UBR3: variants seen among roughly 807,000 people sequenced by gnomAD.
UBR3 encodes the protein ubiquitin protein ligase E3 component n-recognin 3, also known as E3 ubiquitin-protein ligase UBR3.
UBR3 carries 85 observed loss-of-function variants against 243.2 expected under a neutral mutation model. The ratio of observed to expected loss-of-function variants is 0.35; its 90% CI spans 0.29 to 0.42. The LOEUF (loss-of-function observed/expected upper bound fraction) is 0.42. Among genes scored for constraint, UBR3 ranks in the 10% least tolerant of loss-of-function variants. The pLI is 1.00. For missense variants in UBR3, 1,686 were observed against 2,300.8 expected, an observed-to-expected ratio of 0.73 and a Z score of 5.47; for synonymous variants, 748 against 799.8, an observed-to-expected ratio of 0.94 and a Z score of 1.09.
chr2:169,890,563 A>ATATATATATATATATATATATATATGTG (rs1255881148), intron 5 of UBR3, among the ~76,000 whole-genome samples: 13 of 83,860 alleles, frequency 1.6e-4, no homozygotes, highest in East Asian at 3.0e-4. Flanking sequence ...ATATATATAT[A>ATATATATATATATATATATATATATGTG]TGTGTATATA....
At chr2:169,836,252 T>G (rs1160805574) in intron 1 of UBR3, among the ~76,000 whole-genome samples, 1 of 150,352 alleles carries the variant, frequency 6.7e-6, no homozygotes, top group African/African-American at 2.5e-5. Context: ...CCTAGCTAAT[T>G]TTCATATTTT....
chr2:170,075,731 C>A (rs781024846), intron 36 of UBR3, among the ~76,000 whole-genome samples: 16 of 152,102 alleles, frequency 1.1e-4, no homozygotes, highest in Non-Finnish European at 1.5e-4. Flanking sequence ...AATGTTAAAT[C>A]TGTATAGCGA....
At chr2:169,860,689 T>C (rs2083056183) in intron 1 of UBR3, among the ~76,000 whole-genome samples, 1 of 152,164 alleles carries the variant, frequency 6.6e-6, no homozygotes, top group South Asian at 2.1e-4. Context: ...TCTCTTGGAT[T>C]GTCTTAGGAA....
chr2:170,013,896 T>C lies in UBR3; in HGVS notation c.4368-1385T>C, dbSNP rs531022894. ...ATGTATTGATCTCATTTATATTCCC[T>C]TGATGAAGGAACACATGCTGGTCTC... On this transcript the variant is annotated intron_variant, in intron 29 of 38. Transcript: ENST00000272793. 8.3e-4 allele frequency: 390 copies of C among 470,418 alleles called. 6 individuals are homozygous for C. Among genetic ancestry groups the C allele is most frequent in the South Asian group, 5.9e-3 (380 of 64,408 alleles). The allele number at this position is 470,418 out of a possible 1,614,324, so 29.1% of individuals were successfully genotyped here.
chr2:169,863,352 G>A (rs957832155), intron 1 of UBR3, among the ~76,000 whole-genome samples: 1 of 152,110 alleles, frequency 6.6e-6, no homozygotes, highest in Non-Finnish European at 1.5e-5. Context: ...TAACCTTTTA[G>A]GCAATTTGTT....
At chr2:169,895,400 G>A in intron 7 of UBR3, 89 bp downstream of exon 7, 1 of 1,379,468 alleles carries the variant, frequency 7.2e-7, no homozygotes, top group Non-Finnish European at 9.7e-7. Context: ...TTTCTCAGGT[G>A]AAGGTTGATA....
intron 14 of UBR3, 146 bp downstream of exon 14, chr2:169,925,893 G>A (rs761206464): frequency 5.0e-6 from 4 of 807,840 alleles, no homozygotes; most frequent in Non-Finnish European, 7.1e-6. Flanking sequence ...CCCAGGAGAA[G>A]AGGCATACCA....
chr2:169,915,393 C>T (rs1277403331), intron 11 of UBR3, among the ~76,000 whole-genome samples: 2 of 152,218 alleles, frequency 1.3e-5, no homozygotes, highest in East Asian at 3.9e-4. Flanking sequence ...GCCACCGCAC[C>T]CAGCTGATTT....
At chr2:169,839,347 G>T (rs1286219047) in intron 1 of UBR3, among the ~76,000 whole-genome samples, 1 of 152,184 alleles carries the variant, frequency 6.6e-6, no homozygotes, top group Non-Finnish European at 1.5e-5. Context: ...GAGTAGATTG[G>T]TGGTTACCAG....
intron 4 of UBR3, among the ~76,000 whole-genome samples, chr2:169,878,136 G>A (rs1233963581): frequency 6.6e-6 from 1 of 152,154 alleles, no homozygotes; most frequent in Non-Finnish European, 1.5e-5. Context: ...CGAGGTGGGT[G>A]GATCACCTGA....
chr2:170,036,344 G>A (rs750230614), intron 31 of UBR3, among the ~76,000 whole-genome samples: 1 of 151,882 alleles, frequency 6.6e-6, no homozygotes, highest in Non-Finnish European at 1.5e-5. Context: ...GAAATCTTTG[G>A]TTCTCTTTTC....
chr2:169,922,478 A>C (rs953361336), intron 11 of UBR3, among the ~76,000 whole-genome samples: 15 of 151,860 alleles, frequency 9.9e-5, no homozygotes, highest in African/African-American at 3.1e-4. Context: ...AAAATTCACT[A>C]TCTTAATCAT....
chr2:169,937,312 G>A (rs1385322577), intron 19 of UBR3, among the ~76,000 whole-genome samples: 1 of 152,226 alleles, frequency 6.6e-6, no homozygotes, highest in Non-Finnish European at 1.5e-5. Context: ...CTTCTTTTGA[G>A]AAGTGTCTGT....
At position 169,905,437 on chromosome 2, in the gene UBR3, TAATA is replaced by T. The variant is rs1357891411; in HGVS notation, c.1645+148_1645+151del. On this transcript the variant is annotated intron_variant, in intron 9 of 38. Transcript: ENST00000272793. ...TTTTAATTGGTATTTGTAAGTACTT[TAATA>T]AATTGTTCATAAAACATACCAAGGA... The T allele has an allele frequency of 4.9e-5, 28 of 577,210 alleles. No homozygotes were observed. The African/African-American group carries it at 5.4e-4, about 11-fold the overall frequency. The allele number at this position is 577,210 out of a possible 1,614,324, so 35.8% of individuals were successfully genotyped here.
chr2:169,943,032 C>A (rs1337297908), intron 20 of UBR3, among the ~76,000 whole-genome samples: 2 of 152,196 alleles, frequency 1.3e-5, no homozygotes, highest in African/African-American at 4.8e-5. Context: ...GTTCTTTTTG[C>A]TTTTTCCCTC....
intron 11 of UBR3, among the ~76,000 whole-genome samples, chr2:169,920,595 G>A (rs1574204524): frequency 6.6e-6 from 1 of 152,250 alleles, no homozygotes; most frequent in East Asian, 1.9e-4. Context: ...TGCCCTGAGT[G>A]TATGTGCCTC....
In UBR3 at chr2:170,009,712, A is replaced by C. The variant is rs555946843; in HGVS notation, c.4367+772A>C. Among the ~76,000 whole-genome samples, 24 of 152,286 alleles carry C rather than the reference A, an allele frequency of 1.6e-4. No homozygotes were observed. In the Middle Eastern group the frequency reaches 0.014, roughly 86 times the overall value. On this transcript the variant is annotated intron_variant, in intron 29 of 38. Coordinates refer to ENST00000272793, the MANE Select transcript of UBR3 (RefSeq NM_172070.4). ...AGCATACTTTATATTTTATCTAAGT[A>C]GTATTGTAATAGGTAAGATTTAGAG... is the stretch of plus-strand genomic sequence containing the variant.
chr2:169,898,650 A>C (rs1206250628), intron 8 of UBR3, among the ~76,000 whole-genome samples: 1 of 150,138 alleles, frequency 6.7e-6, no homozygotes, highest in Non-Finnish European at 1.5e-5. Flanking sequence ...TATTTACATT[A>C]AAGAATATAC....
chr2:170,005,596 A>G (rs2089886036), intron 27 of UBR3, among the ~76,000 whole-genome samples: 1 of 152,172 alleles, frequency 6.6e-6, no homozygotes, highest in Non-Finnish European at 1.5e-5. Context: ...GTTGGTAGTC[A>G]GAATATAAGA....
Sources: gnomAD v4.1 joint callset for allele counts (sites outside exome capture counted in the v4.1 genomes callset) on GRCh38, gnomAD v4.1.1 for gene constraint, MANE v1.5 for transcripts, NCBI Gene and HGNC (gene_info 2026-07-23, HGNC 2026-07-21) for gene names.